RAB3GAP2: variants seen among roughly 807,000 people sequenced by gnomAD.
RAB3GAP2 encodes the protein rab3 GTPase-activating protein non-catalytic subunit.
In RAB3GAP2, 87 loss-of-function variants were observed where a neutral mutation model predicts 185.3. That is an observed-to-expected ratio of 0.47 (90% CI 0.39 to 0.56). RAB3GAP2 has a LOEUF of 0.56. RAB3GAP2 is among the 20% of genes least tolerant of loss of function. The pLI is 0.00. For missense variants in RAB3GAP2, 1,492 were observed against 1,638.2 expected, an observed-to-expected ratio of 0.91 and a Z score of 1.54; for synonymous variants, 554 against 576.1, an observed-to-expected ratio of 0.96 and a Z score of 0.55.
At chr1:220,172,431 A>T (rs1658196047) in intron 22 of RAB3GAP2, among the ~76,000 whole-genome samples, 1 of 152,192 alleles carries the variant, frequency 6.6e-6, no homozygotes, top group Non-Finnish European at 1.5e-5. Context: ...TTATTTTTTT[A>T]TGATGATACA....
chr1:220,163,744 CATATATATATAT>C (rs373160821), intron 27 of RAB3GAP2, among the ~76,000 whole-genome samples: 15 of 122,988 alleles, frequency 1.2e-4, no homozygotes, highest in African/African-American at 4.4e-4. Flanking sequence ...TAAATACATA[CATATATATATAT>C]ATATATATAT....
chr1:220,168,417 G>C (rs566033971), intron 24 of RAB3GAP2, among the ~76,000 whole-genome samples: 2 of 146,302 alleles, frequency 1.4e-5, no homozygotes, highest in Admixed American at 1.4e-4. Flanking sequence ...TTTTTTTTGA[G>C]ACAGAGTTTC....
At chr1:220,215,518 A>C (rs1261382699) in intron 2 of RAB3GAP2, among the ~76,000 whole-genome samples, 1 of 152,154 alleles carries the variant, frequency 6.6e-6, no homozygotes, top group Non-Finnish European at 1.5e-5. Context: ...AAAGGAAAGG[A>C]ACAAATTGCA....
intron 1 of RAB3GAP2, among the ~76,000 whole-genome samples, chr1:220,255,963 C>A (rs944298122): frequency 6.6e-6 from 1 of 152,016 alleles, no homozygotes; most frequent in Admixed American, 6.6e-5. Context: ...AAGATCAACC[C>A]CAAGACACAT....
chr1:220,232,136 G>C (rs1659512920), intron 2 of RAB3GAP2, among the ~76,000 whole-genome samples: 1 of 152,136 alleles, frequency 6.6e-6, no homozygotes, highest in African/African-American at 2.4e-5. Flanking sequence ...GCAAATATTT[G>C]AGTGAATAGT....
At chr1:220,190,308 TACA>T in intron 15 of RAB3GAP2, 66 bp downstream of exon 15, 3 of 1,599,866 alleles carry the variant, frequency 1.9e-6, no homozygotes, top group Non-Finnish European at 2.6e-6. Context: ...CAAAAGAGAG[TACA>T]ACAAACCTAG....
chr1:220,193,512 ATAGT>A, intron 12 of RAB3GAP2, 133 bp from the exon 13 acceptor site: 7 of 864,304 alleles, frequency 8.1e-6, no homozygotes, highest in East Asian at 2.7e-5. Flanking sequence ...ACCTGGATTA[ATAGT>A]TAATTTATTA....
intron 3 of RAB3GAP2, 59 bp from the exon 4 acceptor site, chr1:220,213,027 T>C: frequency 7.7e-7 from 1 of 1,293,814 alleles, no homozygotes; most frequent in Non-Finnish European, 1.1e-6. Flanking sequence ...AAAAGAGTAA[T>C]TTATAAATTT....
rs1050440971 is a variant in RAB3GAP2, at chr1:220,171,082, G to A, written c.2616C>T (p.Leu872=). ...GAGAAAGTGCCTCCCAGGAATCAGT[G>A]AGGGCCTCTGAATCAGCACCCAAAA... ...QTVLGADSEA[L]TDSWEALSLD... is the part of the protein sequence containing the mutation. The change falls in exon 24 of 35, where the codon CTC becomes CTT. Residue 872 remains leucine (L), a synonymous_variant. Coordinates refer to ENST00000358951, the MANE Select transcript of RAB3GAP2 (RefSeq NM_012414.4). 2.5e-6 allele frequency: 4 copies of A among 1,614,018 alleles called. No individual in the cohort carries two copies. The highest frequency in any genetic ancestry group is 1.6e-4 in the Middle Eastern group (1 of 6,084).
At chr1:220,204,856 G>A (rs1033329913) in intron 8 of RAB3GAP2, among the ~76,000 whole-genome samples, 15 of 150,832 alleles carry the variant, frequency 9.9e-5, no homozygotes, top group Non-Finnish European at 1.6e-4. Flanking sequence ...TTGTCCTTGC[G>A]ATAGTTTGCT....
At chr1:220,151,853 A>G in intron 33 of RAB3GAP2, 89 bp from the exon 34 acceptor site, 1 of 1,377,336 alleles carries the variant, frequency 7.3e-7, no homozygotes. Flanking sequence ...AAGAGATTCT[A>G]GTTGATTTTT....
intron 1 of RAB3GAP2, chr1:220,254,180 G>C: frequency 1.9e-6 from 3 of 1,613,452 alleles, no homozygotes; most frequent in Non-Finnish European, 8.5e-7. Flanking sequence ...AAGAAATCTC[G>C]TGGAAACACA....
chr1:220,208,774 T>G (rs905504374), intron 7 of RAB3GAP2, among the ~76,000 whole-genome samples: 13 of 152,184 alleles, frequency 8.5e-5, no homozygotes, highest in Non-Finnish European at 1.8e-4. Context: ...TGGAGTGTAG[T>G]GGCAAGATCT....
chr1:220,190,407 G>A lies in RAB3GAP2; in HGVS notation c.1601C>T (p.Thr534Ile). 3 of 1,614,070 alleles carry A rather than the reference G, an allele frequency of 1.9e-6. No homozygotes were observed. Among genetic ancestry groups the A allele is most frequent in the Non-Finnish European group, 2.5e-6 (3 of 1,179,974 alleles). Reference sequence around the variant, plus strand: ...TGCTAAATGGAAGGGAACGTTCACTGTTTTCACACTTCCAGACACTGGATC... The same window carrying A: ...TGCTAAATGGAAGGGAACGTTCACTATTTTCACACTTCCAGACACTGGATC... ...LVDPVSGSVK[T>I]VNVPFHLALS... is the part of the protein sequence containing the mutation. The change falls in exon 15 of 35, where the codon ACA (threonine) becomes ATA (isoleucine). Residue 534 changes from threonine (T) to isoleucine (I), a missense_variant. By Grantham distance (89) the Thr-to-Ile change is moderately conservative. Transcript: ENST00000358951.
Position 220,150,958 on chromosome 1 carries a change from C to A in RAB3GAP2, c.*293G>T. 5.8e-6 allele frequency: 2 copies of A among 345,002 alleles called. No individual in the cohort carries two copies. The highest frequency in any genetic ancestry group is 5.3e-6 in the Non-Finnish European group (1 of 189,892). 21.4% of individuals were successfully genotyped at this position (345,002 alleles called of 1,614,324 possible). On this transcript the variant is annotated 3_prime_UTR_variant, in exon 35 of 35. Coordinates refer to ENST00000358951, the MANE Select transcript of RAB3GAP2 (RefSeq NM_012414.4). Reference sequence around the variant, plus strand: ...CTAAATTATAACCAATTTTAAATAGCAAAGTTTAACAATAAAGCTACTTAA... The same window carrying A: ...CTAAATTATAACCAATTTTAAATAGAAAAGTTTAACAATAAAGCTACTTAA...
intron 24 of RAB3GAP2, 118 bp from the exon 25 acceptor site, chr1:220,167,793 A>C: frequency 9.1e-7 from 1 of 1,101,388 alleles, no homozygotes; most frequent in East Asian, 2.4e-5. Context: ...CTCAGCCTGA[A>C]GCTGACCCGA....
At chr1:220,228,231 C>T (rs1659438291) in intron 2 of RAB3GAP2, among the ~76,000 whole-genome samples, 1 of 152,144 alleles carries the variant, frequency 6.6e-6, no homozygotes, top group African/African-American at 2.4e-5. Flanking sequence ...TCTCTTTCCA[C>T]TCCTTTACAT....
At chr1:220,172,242 T>C (rs1558143860) in intron 22 of RAB3GAP2, among the ~76,000 whole-genome samples, 193 bp from the exon 23 acceptor site, 3 of 152,374 alleles carry the variant, frequency 2.0e-5, no homozygotes, top group Admixed American at 2.0e-4. Context: ...CTTTTAGTCA[T>C]CTTTGTTCTG....
intron 12 of RAB3GAP2, 22 bp downstream of exon 12, chr1:220,195,056 T>C: frequency 6.2e-7 from 1 of 1,608,628 alleles, no homozygotes; most frequent in Non-Finnish European, 8.5e-7. Context: ...GGACTAAAAT[T>C]TGGGAAGCAT....
Sources: gnomAD v4.1 joint callset for allele counts (sites outside exome capture counted in the v4.1 genomes callset) on GRCh38, gnomAD v4.1.1 for gene constraint, MANE v1.5 for transcripts, NCBI Gene and HGNC (gene_info 2026-07-23, HGNC 2026-07-21) for gene names.